The following SNW1 variants were observed in gnomAD, a reference collection of about 807,000 sequenced individuals.
The protein encoded by SNW1 is SNW domain-containing protein 1.
In SNW1, 9 loss-of-function variants were observed where a neutral mutation model predicts 75.6. That is an observed-to-expected ratio of 0.12 (90% CI 0.07 to 0.21). The LOEUF (loss-of-function observed/expected upper bound fraction) is 0.21. SNW1 is among the 10% of genes least tolerant of loss of function. SNW1 has a pLI of 1.00. For missense variants in SNW1, 409 were observed against 670.9 expected, an observed-to-expected ratio of 0.61 and a Z score of 4.31; for synonymous variants, 200 against 219.1, an observed-to-expected ratio of 0.91 and a Z score of 0.77.
chr14:77,732,462 T>G (rs1555387184), intron 9 of SNW1, 23 bp downstream of exon 9: 1 of 1,251,454 alleles, frequency 8.0e-7, no homozygotes, highest in South Asian at 1.2e-5. Context: ...ACAAGAGCAT[T>G]AAACAAATTA....
intron 1 of SNW1, among the ~76,000 whole-genome samples, chr14:77,759,904 G>A (rs2080873166): frequency 6.6e-6 from 1 of 151,792 alleles, no homozygotes; most frequent in Admixed American, 6.6e-5. Context: ...GACTGCTTGA[G>A]GCCAAGAATT....
chr14:77,739,430 C>T (rs2080699009), intron 3 of SNW1, among the ~76,000 whole-genome samples: 2 of 152,076 alleles, frequency 1.3e-5, no homozygotes, highest in South Asian at 2.1e-4. Flanking sequence ...ATTACAAACT[C>T]ATCAGAATTT....
chr14:77,719,764 T>G (rs896389771), intron 12 of SNW1, among the ~76,000 whole-genome samples: 2 of 152,246 alleles, frequency 1.3e-5, no homozygotes, highest in Admixed American at 6.5e-5. Context: ...GATAATAGTA[T>G]TATTTCATAG....
intron 1 of SNW1, 178 bp downstream of exon 1, chr14:77,760,936 C>T (rs2080885465): frequency 7.0e-6 from 10 of 1,430,482 alleles, no homozygotes; most frequent in Non-Finnish European, 8.8e-6. Flanking sequence ...CGCTGAAAGA[C>T]CCCAGCTTCG....
At chr14:77,751,845 C>CACACACACACACACCA (rs1555388654) in intron 2 of SNW1, among the ~76,000 whole-genome samples, 3 of 122,644 alleles carry the variant, frequency 2.4e-5, no homozygotes, top group East Asian at 4.8e-4. Context: ...CACACACACA[C>CACACACACACACACCA]CACACACACA....
chr14:77,747,868 G>A (rs1337078125), intron 3 of SNW1, among the ~76,000 whole-genome samples: 1 of 149,742 alleles, frequency 6.7e-6, no homozygotes, highest in African/African-American at 2.5e-5. Flanking sequence ...CCGTCTGGGA[G>A]GTGAGGAGCC....
chr14:77,738,620 G>A, intron 5 of SNW1, 158 bp downstream of exon 5: 1 of 620,028 alleles, frequency 1.6e-6, no homozygotes, highest in African/African-American at 1.8e-5. Context: ...AAAAAATTCT[G>A]CTTTCAATTG....
At chr14:77,733,767 A>AAT (rs2080647002) in intron 8 of SNW1, among the ~76,000 whole-genome samples, 2 of 142,928 alleles carry the variant, frequency 1.4e-5, no homozygotes, top group Non-Finnish European at 3.0e-5. Flanking sequence ...AAAAAAAAAA[A>AAT]ACCAAAGAAA....
intron 3 of SNW1, among the ~76,000 whole-genome samples, chr14:77,740,063 G>A (rs2080705031): frequency 1.3e-5 from 2 of 149,502 alleles, no homozygotes; most frequent in African/African-American, 2.5e-5. Context: ...TAACCCGGGA[G>A]GAAGAGCTTG....
intron 12 of SNW1, among the ~76,000 whole-genome samples, chr14:77,720,044 A>G (rs2080526208): frequency 6.6e-6 from 1 of 152,216 alleles, no homozygotes; most frequent in African/African-American, 2.4e-5. Context: ...TAGTACTTTA[A>G]TCCCGTTTTA....
chr14:77,735,131 A>C, intron 7 of SNW1, 119 bp from the exon 8 acceptor site: 3 of 619,228 alleles, frequency 4.8e-6, no homozygotes. Context: ...AGCCGTAGTA[A>C]AAGGCCAGCA....
At chr14:77,748,788 T>C (rs1325749465) in intron 3 of SNW1, among the ~76,000 whole-genome samples, 2 of 152,016 alleles carry the variant, frequency 1.3e-5, no homozygotes, top group African/African-American at 4.8e-5. Flanking sequence ...GGGGTTTCAC[T>C]GTGTTAGCCA....
At chr14:77,734,884 G>A in intron 8 of SNW1, 63 bp downstream of exon 8, 1 of 1,098,504 alleles carries the variant, frequency 9.1e-7, no homozygotes, top group Non-Finnish European at 1.4e-6. Flanking sequence ...GCAGGCTGTA[G>A]TTGTTTTACT....
At chr14:77,738,910 A>G in intron 4 of SNW1, 26 bp from the exon 5 acceptor site, 2 of 1,609,748 alleles carry the variant, frequency 1.2e-6, no homozygotes, top group Non-Finnish European at 8.5e-7. Context: ...TCACATTGAG[A>G]GTTTGGAAGT....
intron 1 of SNW1, among the ~76,000 whole-genome samples, chr14:77,758,197 G>A (rs887386172): frequency 6.6e-6 from 1 of 151,268 alleles, no homozygotes; most frequent in Non-Finnish European, 1.5e-5. Context: ...GGGCGTGGTG[G>A]CGGACGCCTG....
intron 10 of SNW1, among the ~76,000 whole-genome samples, chr14:77,725,935 T>C (rs11623898): frequency 0.17 from 25,394 of 152,148 alleles, 2,442 homozygotes; most frequent in Non-Finnish European, 0.22. Context: ...AAAAATTCCA[T>C]GCATTTATAG....
chr14:77,728,022 T>C (rs1050642599), intron 10 of SNW1, among the ~76,000 whole-genome samples: 2 of 150,262 alleles, frequency 1.3e-5, no homozygotes, highest in African/African-American at 4.9e-5. Context: ...AATCCTGAGC[T>C]TTTCTTTCAT....
Position 77,718,303 on chromosome 14 carries a change from A to G in SNW1, c.1413-17T>C. ...GGAACAAATCTAAGGAAAAGGAGAA[A>G]AAACTATGAACTACTTTGCTTTCAC... is the stretch of plus-strand genomic sequence containing the variant. On this transcript the variant is annotated splice_polypyrimidine_tract_variant and intron_variant, in intron 13 of 13. Coordinates refer to ENST00000261531, the MANE Select transcript of SNW1 (RefSeq NM_012245.3). 2.5e-6 allele frequency: 4 copies of G among 1,614,090 alleles called. No homozygotes were observed. Among genetic ancestry groups the G allele is most frequent in the Non-Finnish European group, 3.4e-6 (4 of 1,179,974 alleles).
chr14:77,751,593 A>G (rs1480632940), intron 2 of SNW1, 113 bp from the exon 3 acceptor site: 2 of 745,340 alleles, frequency 2.7e-6, no homozygotes, highest in East Asian at 6.0e-5. Flanking sequence ...TGCTAGAGAT[A>G]CAGCAGAGTT....
Sources: gnomAD v4.1 joint callset for allele counts (sites outside exome capture counted in the v4.1 genomes callset) on GRCh38, gnomAD v4.1.1 for gene constraint, MANE v1.5 for transcripts, NCBI Gene and HGNC (gene_info 2026-07-23, HGNC 2026-07-21) for gene names.